ZMYM2: variants seen among roughly 807,000 people sequenced by gnomAD.
The protein encoded by ZMYM2 is zinc finger MYM-type containing 2.
ZMYM2 carries 56 observed loss-of-function variants against 162.8 expected under a neutral mutation model. That is an observed-to-expected ratio of 0.34 (90% CI 0.28 to 0.43). The LOEUF (loss-of-function observed/expected upper bound fraction) is 0.43, where lower values mean the gene tolerates loss of function less well. Among genes scored for constraint, ZMYM2 ranks in the 20% least tolerant of loss-of-function variants. ZMYM2 has a pLI of 1.00. For synonymous variants in ZMYM2, 510 were observed against 541.6 expected (o/e 0.94, Z 0.81); for missense variants, 1,275 against 1,621.8 (o/e 0.79, Z 3.67).
At chr13:19,886,969 C>T in the ZMYM2 span, among the ~76,000 whole-genome samples, 1 of 151,642 alleles carries the variant, frequency 6.6e-6, no homozygotes, top group Non-Finnish European at 1.5e-5. Flanking sequence ...GCCAAAATTT[C>T]ACTCAGTTTT....
chr13:19,930,139 G>C, the ZMYM2 span, among the ~76,000 whole-genome samples: 29 of 152,212 alleles, frequency 1.9e-4, no homozygotes, highest in East Asian at 5.6e-3. Flanking sequence ...GGTGGCTCAC[G>C]CCTGTAATAC....
chr13:19,928,596 A>C, the ZMYM2 span, among the ~76,000 whole-genome samples: 1 of 152,212 alleles, frequency 6.6e-6, no homozygotes, highest in Middle Eastern at 3.4e-3. Flanking sequence ...CCCAAGTTTG[A>C]GACCAGCCTG....
chr13:20,022,825 G>T (rs1328254481), intron 7 of ZMYM2, among the ~76,000 whole-genome samples: 2 of 151,978 alleles, frequency 1.3e-5, no homozygotes, highest in Non-Finnish European at 2.9e-5. Context: ...TTCTAATCAA[G>T]GTTCTTCACT....
chr13:20,069,945 A>G (rs1956955642), intron 21 of ZMYM2, among the ~76,000 whole-genome samples: 1 of 151,980 alleles, frequency 6.6e-6, no homozygotes, highest in African/African-American at 2.4e-5. Context: ...AGATCTAGTC[A>G]AGGGGTTTTT....
chr13:19,871,632 T>C, the ZMYM2 span, among the ~76,000 whole-genome samples: 4 of 152,150 alleles, frequency 2.6e-5, no homozygotes, highest in African/African-American at 9.7e-5. Flanking sequence ...GAAAAATCCA[T>C]AATTATGCTA....
chr13:20,063,719 A>C (rs371215500), intron 18 of ZMYM2, among the ~76,000 whole-genome samples: 1 of 147,462 alleles, frequency 6.8e-6, no homozygotes, highest in East Asian at 2.0e-4. Flanking sequence ...CGGAGGTTGC[A>C]GTGAGCCAAG....
At chr13:19,996,537 GC>G (rs1391538709) in intron 3 of ZMYM2, among the ~76,000 whole-genome samples, 1 of 152,172 alleles carries the variant, frequency 6.6e-6, no homozygotes, top group Non-Finnish European at 1.5e-5. Context: ...GACCAGCCTG[GC>G]CAACATGGTG....
chr13:20,014,984 C>A (rs931312827), intron 6 of ZMYM2, among the ~76,000 whole-genome samples: 1 of 152,088 alleles, frequency 6.6e-6, no homozygotes, highest in African/African-American at 2.4e-5. Context: ...TGGTCTTGAA[C>A]TCCTGACCTC....
At chr13:20,033,592 C>G (rs977273627) in intron 10 of ZMYM2, among the ~76,000 whole-genome samples, 14 of 152,332 alleles carry the variant, frequency 9.2e-5, no homozygotes, top group Admixed American at 8.5e-4. Context: ...TAGACTTAGT[C>G]TGTAGCCTGC....
At chr13:19,987,737 T>C (rs1297446957) in intron 2 of ZMYM2, among the ~76,000 whole-genome samples, 1 of 151,858 alleles carries the variant, frequency 6.6e-6, no homozygotes, top group Non-Finnish European at 1.5e-5. Flanking sequence ...CGCCTCAGCC[T>C]CTCAAAGTGC....
chr13:20,027,393 C>A, intron 9 of ZMYM2, 75 bp downstream of exon 9: 3 of 1,103,880 alleles, frequency 2.7e-6, no homozygotes, highest in Non-Finnish European at 3.6e-6. Flanking sequence ...ATATAATATG[C>A]TTTATTTTAT....
chr13:20,071,504 C>G (rs999221091), intron 21 of ZMYM2, among the ~76,000 whole-genome samples: 9 of 152,104 alleles, frequency 5.9e-5, no homozygotes, highest in Admixed American at 2.6e-4. Context: ...TATTGGTTGC[C>G]CCTTATCTGG....
At chr13:19,893,466 G>A in the ZMYM2 span, among the ~76,000 whole-genome samples, 4 of 151,844 alleles carry the variant, frequency 2.6e-5, no homozygotes, top group Middle Eastern at 3.2e-3. Context: ...GTCCAGGCAC[G>A]GTGGCTCACG....
chr13:19,961,472 A>G (rs1354543396), intron 2 of ZMYM2, among the ~76,000 whole-genome samples: 1 of 152,252 alleles, frequency 6.6e-6, no homozygotes, highest in Non-Finnish European at 1.5e-5. Context: ...CATCTCAGGC[A>G]TCAGATCATT....
chr13:19,885,838 ACT>A, the ZMYM2 span, among the ~76,000 whole-genome samples: 1 of 85,080 alleles, frequency 1.2e-5, no homozygotes, highest in Non-Finnish European at 2.5e-5. Flanking sequence ...CAAGAGTGAA[ACT>A]CTGTCTCAAA....
the ZMYM2 span, among the ~76,000 whole-genome samples, chr13:19,895,480 C>T: frequency 6.6e-6 from 1 of 151,828 alleles, no homozygotes; most frequent in African/African-American, 2.4e-5. Flanking sequence ...CTCATGAGGG[C>T]CTTCCCGCTG....
chr13:20,085,244 A>G (rs1236755100), intron 24 of ZMYM2, among the ~76,000 whole-genome samples: 1 of 151,964 alleles, frequency 6.6e-6, no homozygotes. Context: ...CAGATTTTGG[A>G]TTTTTGAATT....
At chr13:19,946,167 C>T in the ZMYM2 span, among the ~76,000 whole-genome samples, 1 of 152,152 alleles carries the variant, frequency 6.6e-6, no homozygotes, top group African/African-American at 2.4e-5. Flanking sequence ...ACGCTTGCTA[C>T]CCTACGACAA....
At chr13:20,077,140 CT>C (rs1566467085) in intron 21 of ZMYM2, among the ~76,000 whole-genome samples, 1 of 150,682 alleles carries the variant, frequency 6.6e-6, no homozygotes, top group Non-Finnish European at 1.5e-5. Context: ...TTGAAACCTT[CT>C]TTCATTGGTT....
Sources: allele counts gnomAD v4.1 joint callset (sites outside exome capture counted in the v4.1 genomes callset), GRCh38; gene constraint gnomAD v4.1.1; transcripts MANE v1.5; gene names NCBI Gene and HGNC (gene_info 2026-07-23, HGNC 2026-07-21).